SPMIP7: variants seen among roughly 807,000 people sequenced by gnomAD.
The protein encoded by SPMIP7 is sperm microtubule inner protein 7, also known as protein SPMIP7.
chr7:50,148,820 T>G, the SPMIP7 span, among the ~76,000 whole-genome samples: 1 of 152,192 alleles, frequency 6.6e-6, no homozygotes, highest in East Asian at 1.9e-4. Flanking sequence ...AAAGTCCCAG[T>G]GCTCAGGCTA....
chr7:50,155,873 G>GCCCTCACTATACACACAT, the SPMIP7 span, among the ~76,000 whole-genome samples: 1 of 152,192 alleles, frequency 6.6e-6, no homozygotes, highest in East Asian at 1.9e-4. Context: ...CTCATCCATG[G>GCCCTCACTATACACACAT]CCTGAGTGGG....
the SPMIP7 span, among the ~76,000 whole-genome samples, chr7:50,111,117 A>G: frequency 6.8e-6 from 1 of 147,304 alleles, no homozygotes; most frequent in Admixed American, 6.9e-5. Flanking sequence ...ATATATATAT[A>G]TTATATTATG....
chr7:50,153,482 T>C, the SPMIP7 span, among the ~76,000 whole-genome samples: 1 of 152,240 alleles, frequency 6.6e-6, no homozygotes, highest in Non-Finnish European at 1.5e-5. Flanking sequence ...TCACAAGAAC[T>C]GCTTGCAAGG....
At chr7:50,125,585 G>GGTGTGT in the SPMIP7 span, among the ~76,000 whole-genome samples, 167 of 140,890 alleles carry the variant, frequency 1.2e-3, no homozygotes, top group African/African-American at 3.8e-3. Context: ...AAGAAAATAT[G>GGTGTGT]GTGTGTGTGT....
At chr7:50,142,387 T>A in the SPMIP7 span, 1 of 152,242 alleles carries the variant, frequency 6.6e-6, no homozygotes, top group Non-Finnish European at 1.5e-5. Flanking sequence ...TTAACTTCAA[T>A]AAATTTGGGC....
the SPMIP7 span, among the ~76,000 whole-genome samples, chr7:50,153,175 G>A: frequency 1.3e-5 from 2 of 152,314 alleles, no homozygotes; most frequent in Middle Eastern, 6.8e-3. Context: ...GAAAAAGAAA[G>A]ACTGATGTAG....
At chr7:50,112,058 T>G in the SPMIP7 span, among the ~76,000 whole-genome samples, 4 of 151,928 alleles carry the variant, frequency 2.6e-5, no homozygotes, top group African/African-American at 9.7e-5. Context: ...ATCCAAAAAT[T>G]AAATACAAAT....
chr7:50,129,633 C>T, the SPMIP7 span: 678 of 955,288 alleles, frequency 7.1e-4, 3 homozygotes, highest in African/African-American at 9.9e-3. Flanking sequence ...AAAAAGGAAT[C>T]CAAAAGAAAA....
At chr7:50,139,290 A>C in the SPMIP7 span, among the ~76,000 whole-genome samples, 1 of 151,192 alleles carries the variant, frequency 6.6e-6, no homozygotes, top group Non-Finnish European at 1.5e-5. Flanking sequence ...CGGAGGTTAC[A>C]GTGAGCCAAG....
chr7:50,153,511 G>A, the SPMIP7 span, among the ~76,000 whole-genome samples: 1 of 152,236 alleles, frequency 6.6e-6, no homozygotes, highest in African/African-American at 2.4e-5. Flanking sequence ...ATCTCTCAAT[G>A]AGAAATAAAC....
At chr7:50,131,284 A>T in the SPMIP7 span, among the ~76,000 whole-genome samples, 4 of 152,192 alleles carry the variant, frequency 2.6e-5, no homozygotes, top group Non-Finnish European at 5.9e-5. Context: ...CGACTCAAAA[A>T]TGATTCTAAG....
chr7:50,145,028 G>T, the SPMIP7 span, among the ~76,000 whole-genome samples: 1 of 151,904 alleles, frequency 6.6e-6, no homozygotes, highest in African/African-American at 2.4e-5. Flanking sequence ...TTGGGAAGCC[G>T]AGGCGGGTGG....
At chr7:50,135,700 G>A in the SPMIP7 span, among the ~76,000 whole-genome samples, 24 of 152,282 alleles carry the variant, frequency 1.6e-4, no homozygotes, top group Admixed American at 1.6e-3. Context: ...TCTTGGGCCA[G>A]ATGATATTCA....
At chr7:50,129,391 C>A in the SPMIP7 span, among the ~76,000 whole-genome samples, 360 of 152,028 alleles carry the variant, frequency 2.4e-3, 2 homozygotes, top group Middle Eastern at 0.01. Context: ...GAAGAAAAGA[C>A]AATACGTTCT....
At chr7:50,101,158 T>C in the SPMIP7 span, among the ~76,000 whole-genome samples, 1 of 152,240 alleles carries the variant, frequency 6.6e-6, no homozygotes, top group Non-Finnish European at 1.5e-5. Flanking sequence ...ATGTTGACAT[T>C]GGGCCTGGAC....
the SPMIP7 span, among the ~76,000 whole-genome samples, chr7:50,152,591 C>G: frequency 0.44 from 66,283 of 151,736 alleles, 14,921 homozygotes; most frequent in East Asian, 0.72. Context: ...AGAGGGACGG[C>G]AGTTCGCCCC....
chr7:50,153,440 A>G, the SPMIP7 span, among the ~76,000 whole-genome samples: 1 of 152,222 alleles, frequency 6.6e-6, no homozygotes, highest in South Asian at 2.1e-4. Flanking sequence ...ATCTTTTACT[A>G]AGTCAATGCA....
the SPMIP7 span, among the ~76,000 whole-genome samples, chr7:50,119,348 C>T: frequency 1.3e-5 from 2 of 152,188 alleles, no homozygotes; most frequent in East Asian, 1.9e-4. Context: ...GCTATCCTAA[C>T]GCCATAGATC....
At chr7:50,124,213 C>G in the SPMIP7 span, among the ~76,000 whole-genome samples, 1 of 151,984 alleles carries the variant, frequency 6.6e-6, no homozygotes, top group Non-Finnish European at 1.5e-5. Flanking sequence ...GTATATGCAT[C>G]TAGTAACAAA....
Sources: gnomAD v4.1 joint callset for allele counts (sites outside exome capture counted in the v4.1 genomes callset) on GRCh38, gnomAD v4.1.1 for gene constraint, MANE v1.5 for transcripts, NCBI Gene and HGNC (gene_info 2026-07-23, HGNC 2026-07-21) for gene names.